The following TLE4 variants were observed in gnomAD, a reference collection of about 807,000 sequenced individuals.
TLE4 encodes the protein TLE family member 4, transcriptional corepressor, also known as transducin-like enhancer protein 4.
TLE4 carries 8 observed loss-of-function variants against 92.8 expected under a neutral mutation model. That is an observed-to-expected ratio of 0.09 (90% CI 0.05 to 0.16). The LOEUF is 0.16. Ranked by LOEUF, TLE4 falls within the 10% of genes least tolerant of loss-of-function variation. TLE4 has a pLI of 1.00. For missense variants in TLE4, 675 were observed against 997.6 expected (o/e 0.68, Z 4.36); for synonymous variants, 371 against 374.1 (o/e 0.99, Z 0.10).
At chr9:79,635,799 C>T (rs147708462) in intron 6 of TLE4, among the ~76,000 whole-genome samples, 89 of 152,158 alleles carry the variant, frequency 5.8e-4, no homozygotes, top group African/African-American at 2.0e-3. Context: ...TTCTCCATTC[C>T]GTTTTGCACT....
intron 4 of TLE4, among the ~76,000 whole-genome samples, chr9:79,595,535 C>G (rs968951066): frequency 6.6e-6 from 1 of 152,038 alleles, no homozygotes; most frequent in African/African-American, 2.4e-5. Context: ...CTTAATCGGT[C>G]AAAAGTTGTA....
At chr9:79,662,715 A>G (rs539998579) in intron 8 of TLE4, among the ~76,000 whole-genome samples, 4 of 152,268 alleles carry the variant, frequency 2.6e-5, no homozygotes, top group African/African-American at 9.6e-5. Flanking sequence ...TGGAAATCCT[A>G]TTAAGGGGCC....
chr9:79,694,133 G>A (rs577552623), intron 8 of TLE4, among the ~76,000 whole-genome samples: 1 of 152,248 alleles, frequency 6.6e-6, no homozygotes, highest in South Asian at 2.1e-4. Context: ...GGGGGAGTGT[G>A]GAGAACGGAA....
chr9:79,573,114 A>C, intron 1 of TLE4: 1 of 596,684 alleles, frequency 1.7e-6, no homozygotes, highest in Non-Finnish European at 2.4e-6. Context: ...CCGCGCCGCG[A>C]CTCCTCGAGG....
intron 6 of TLE4, among the ~76,000 whole-genome samples, chr9:79,632,869 G>T (rs1035473682): frequency 1.3e-5 from 2 of 152,282 alleles, no homozygotes; most frequent in East Asian, 3.9e-4. Flanking sequence ...GCTGGCCACT[G>T]TCTGTGTCGT....
At chr9:79,708,036 C>A in intron 11 of TLE4, 82 bp from the exon 12 acceptor site, 1 of 1,420,928 alleles carries the variant, frequency 7.0e-7, no homozygotes, top group Non-Finnish European at 9.7e-7. Context: ...TTCCTCCTTT[C>A]CTTTTCTTTA....
rs1351432662 is a variant in TLE4, at chr9:79,654,157, A to G, written c.609+82A>G. The stretch of plus-strand genomic sequence containing the variant: ...AATGAATCTAGTAAAGAATTCTTTG[A>G]GATTTAGAGAATGATTTCATTGGTT... On this transcript the variant is annotated intron_variant, in intron 8 of 19. Coordinates refer to ENST00000376552, the MANE Select transcript of TLE4 (RefSeq NM_007005.6). The G allele has an allele frequency of 5.0e-6, 7 of 1,388,066 alleles. No homozygotes were observed. In the African/African-American group the frequency reaches 1.0e-4, roughly 20 times the overall value. 86.0% of individuals were successfully genotyped at this position (1,388,066 alleles called of 1,614,324 possible).
intron 4 of TLE4, among the ~76,000 whole-genome samples, chr9:79,581,461 A>T (rs2039646292): frequency 6.6e-6 from 1 of 152,168 alleles, no homozygotes; most frequent in Non-Finnish European, 1.5e-5. Flanking sequence ...GAGATACCAT[A>T]GGAGGATATC....
At chr9:79,588,450 A>T (rs974106612) in intron 4 of TLE4, among the ~76,000 whole-genome samples, 1 of 152,128 alleles carries the variant, frequency 6.6e-6, no homozygotes, top group Non-Finnish European at 1.5e-5. Flanking sequence ...CGCCCGGCCT[A>T]TCCTTGTTTT....
At chr9:79,611,419 T>G (rs371586737) in intron 4 of TLE4, among the ~76,000 whole-genome samples, 44 of 152,186 alleles carry the variant, frequency 2.9e-4, no homozygotes, top group African/African-American at 1.1e-3. Flanking sequence ...TGGTAAAGTT[T>G]TTAAGGTGCT....
At chr9:79,656,132 G>A (rs536072856) in intron 8 of TLE4, among the ~76,000 whole-genome samples, 23 of 152,280 alleles carry the variant, frequency 1.5e-4, no homozygotes, top group Non-Finnish European at 3.1e-4. Context: ...GTCTGGGACT[G>A]TCCTATAGTT....
At chr9:79,658,227 G>C (rs1250799804) in intron 8 of TLE4, among the ~76,000 whole-genome samples, 4 of 152,166 alleles carry the variant, frequency 2.6e-5, no homozygotes, top group Non-Finnish European at 4.4e-5. Flanking sequence ...GTTTGAATAT[G>C]TTTCCACACA....
intron 4 of TLE4, among the ~76,000 whole-genome samples, chr9:79,608,442 G>T (rs964158912): frequency 6.6e-6 from 1 of 152,008 alleles, no homozygotes; most frequent in Non-Finnish European, 1.5e-5. Flanking sequence ...AGATTTATTT[G>T]TGTTTATTCC....
chr9:79,643,557 C>A (rs1427690542), intron 6 of TLE4, among the ~76,000 whole-genome samples: 1 of 152,142 alleles, frequency 6.6e-6, no homozygotes, highest in Admixed American at 6.5e-5. Flanking sequence ...AAGATATTGG[C>A]ATTTTGAAGA....
rs200133813 is a variant in TLE4, at chr9:79,704,732, G to T, written c.610-51G>T. 1.9e-6 allele frequency: 3 copies of T among 1,584,284 alleles called. No homozygotes were observed. The Admixed American group carries it at 5.8e-5, about 31-fold the overall frequency. On this transcript the variant is annotated intron_variant, in intron 8 of 19. Transcript: ENST00000376552. Reference sequence around the variant, plus strand: ...TCTCAAGTGACTTAAAAATCACTCGGCTAAATAGATGATAATTTCTCAACC... The same window carrying T: ...TCTCAAGTGACTTAAAAATCACTCGTCTAAATAGATGATAATTTCTCAACC...
intron 6 of TLE4, among the ~76,000 whole-genome samples, chr9:79,631,004 G>A (rs1220319727): frequency 2.0e-5 from 3 of 152,060 alleles, no homozygotes; most frequent in African/African-American, 4.8e-5. Flanking sequence ...AAATGTATGC[G>A]TTTGGAAAAA....
chr9:79,632,768 T>C (rs2054643743), intron 6 of TLE4, among the ~76,000 whole-genome samples: 1 of 152,244 alleles, frequency 6.6e-6, no homozygotes, highest in Non-Finnish European at 1.5e-5. Flanking sequence ...AAAAATGAGC[T>C]ATAAAATAGA....
intron 4 of TLE4, among the ~76,000 whole-genome samples, chr9:79,602,373 C>T (rs1001203971): frequency 1.3e-5 from 2 of 152,208 alleles, no homozygotes; most frequent in African/African-American, 4.8e-5. Context: ...ATGTCAGTGA[C>T]TGGCCTCAAA....
intron 5 of TLE4, among the ~76,000 whole-genome samples, chr9:79,613,127 T>G (rs2048739848): frequency 6.6e-6 from 1 of 152,164 alleles, no homozygotes; most frequent in Non-Finnish European, 1.5e-5. Context: ...AAAGACTTTT[T>G]GTAGTAAACA....
Sources: allele counts gnomAD v4.1 joint callset (sites outside exome capture counted in the v4.1 genomes callset), GRCh38; gene constraint gnomAD v4.1.1; transcripts MANE v1.5; gene names NCBI Gene and HGNC (gene_info 2026-07-23, HGNC 2026-07-21).